ABCB5: variants seen among roughly 807,000 people sequenced by gnomAD.
The protein encoded by ABCB5 is ATP-binding cassette sub-family B member 5.
A neutral mutation model predicts 144.2 loss-of-function variants in ABCB5; 155 were observed. That is an observed-to-expected ratio of 1.08 (90% CI 0.94 to 1.23). The LOEUF is 1.23. ABCB5 is among the 50% of genes most tolerant of loss of function. The pLI is 0.00. For missense variants in ABCB5, 1,830 were observed against 1,520.8 expected (o/e 1.20, Z -3.38); for synonymous variants, 610 against 528.6 (o/e 1.15, Z -2.11).
chr7:20,749,773 G>A (rs909916570), intron 26 of ABCB5, among the ~76,000 whole-genome samples: 1 of 152,148 alleles, frequency 6.6e-6, no homozygotes, highest in African/African-American at 2.4e-5. Context: ...GGGGTTCAGA[G>A]GAGACCTTTG....
At chr7:20,736,549 C>T (rs1425533009) in intron 23 of ABCB5, among the ~76,000 whole-genome samples, 1 of 152,134 alleles carries the variant, frequency 6.6e-6, no homozygotes, top group Non-Finnish European at 1.5e-5. Flanking sequence ...TGTCATGATA[C>T]CAAATTACTC....
chr7:20,728,210 C>A, intron 22 of ABCB5, 105 bp from the exon 23 acceptor site: 6 of 1,332,734 alleles, frequency 4.5e-6, no homozygotes, highest in South Asian at 3.6e-5. Flanking sequence ...GCCTTTCCAC[C>A]AAATTATAAC....
At chr7:20,655,047 T>TA (rs71020653) in intron 13 of ABCB5, among the ~76,000 whole-genome samples, 25,361 of 129,160 alleles carry the variant, frequency 0.2, 2,251 homozygotes, top group South Asian at 0.24. Context: ...CTGAAAAGAT[T>TA]AAAAAAAAAA....
chr7:20,647,324 T>C, intron 9 of ABCB5: 1 of 1,310,418 alleles, frequency 7.6e-7, no homozygotes. Context: ...CAAGGATACT[T>C]GGATTAATCT....
chr7:20,663,960 C>T (rs916710364), intron 14 of ABCB5, among the ~76,000 whole-genome samples: 6 of 151,948 alleles, frequency 3.9e-5, no homozygotes, highest in South Asian at 2.1e-4. Context: ...AAATGATCCA[C>T]GCGCCTCGGC....
intron 5 of ABCB5, among the ~76,000 whole-genome samples, chr7:20,638,247 C>T (rs1374769891): frequency 6.6e-6 from 1 of 151,970 alleles, no homozygotes; most frequent in African/African-American, 2.4e-5. Flanking sequence ...TACATAATCC[C>T]AACACTAATA....
At position 20,723,176 on chromosome 7, in the gene ABCB5, G is replaced by C. The variant is rs775820951; in HGVS notation, c.2582G>C (p.Gly861Ala). ...TGMIETAAMT[G>A]FANKDKQELK... ...ATGATTGAAACCGCAGCAATGACTGGATTTGCCAACAAAGATAAGCAAGAA... is the reference window on the plus strand; with the variant it reads ...ATGATTGAAACCGCAGCAATGACTGCATTTGCCAACAAAGATAAGCAAGAA... The change falls in exon 21 of 28, where the codon GGA becomes GCA. Residue 861 changes from glycine to alanine, a missense_variant. Gly to Ala is a moderately conservative substitution (Grantham distance 60). Transcript: ENST00000404938. The C allele has an allele frequency of 1.3e-5, 21 of 1,614,038 alleles. No individual in the cohort carries two copies. Among genetic ancestry groups the C allele is most frequent in the Non-Finnish European group, 1.8e-5 (21 of 1,180,036 alleles).
chr7:20,755,399 G>T (rs778141460), intron 27 of ABCB5, 28 bp from the exon 28 acceptor site: 1 of 1,607,354 alleles, frequency 6.2e-7, no homozygotes, highest in South Asian at 1.1e-5. Context: ...AACTCAAACT[G>T]GTGATCACAG....
chr7:20,640,717 A>T (rs1032077046), intron 5 of ABCB5, among the ~76,000 whole-genome samples: 11 of 152,224 alleles, frequency 7.2e-5, no homozygotes, highest in African/African-American at 2.7e-4. Context: ...AATAACCATG[A>T]AAACACCACA....
At chr7:20,639,538 G>C (rs1021405980) in intron 5 of ABCB5, among the ~76,000 whole-genome samples, 13 of 152,124 alleles carry the variant, frequency 8.5e-5, no homozygotes, top group Non-Finnish European at 1.5e-4. Context: ...GTGAGGTAAT[G>C]GTTTAAATTT....
chr7:20,632,271 A>C (rs1784056036), intron 5 of ABCB5, among the ~76,000 whole-genome samples, 158 bp downstream of exon 5: 1 of 152,204 alleles, frequency 6.6e-6, no homozygotes, highest in African/African-American at 2.4e-5. Context: ...TATAAAATAC[A>C]ATTAGTACAT....
At chr7:20,627,158 C>T (rs1431720782) in intron 3 of ABCB5, among the ~76,000 whole-genome samples, 1 of 152,100 alleles carries the variant, frequency 6.6e-6, no homozygotes, top group Non-Finnish European at 1.5e-5. Flanking sequence ...ACATGGTCTT[C>T]ACCCACTCTA....
chr7:20,746,723 C>G (rs1014543251), intron 26 of ABCB5, among the ~76,000 whole-genome samples: 1 of 152,100 alleles, frequency 6.6e-6, no homozygotes, highest in Non-Finnish European at 1.5e-5. Flanking sequence ...AAACAGTGCA[C>G]AGAGAGGGAT....
intron 20 of ABCB5, among the ~76,000 whole-genome samples, chr7:20,714,500 T>TAA (rs1781607157): frequency 6.6e-6 from 1 of 152,180 alleles, no homozygotes; most frequent in Non-Finnish European, 1.5e-5. Flanking sequence ...ATTCTTGTAG[T>TAA]ACTCCTCGAG....
intron 5 of ABCB5, among the ~76,000 whole-genome samples, chr7:20,635,280 G>A (rs1784130890): frequency 6.6e-6 from 1 of 151,816 alleles, no homozygotes; most frequent in Non-Finnish European, 1.5e-5. Flanking sequence ...TATTATACCA[G>A]TACCATGATA....
At chr7:20,705,478 A>C (rs1460064198) in intron 20 of ABCB5, among the ~76,000 whole-genome samples, 6 of 152,176 alleles carry the variant, frequency 3.9e-5, no homozygotes, top group African/African-American at 1.4e-4. Context: ...AACAAATGGG[A>C]TCTTAACTGA....
chr7:20,691,457 A>C (rs1252884362), intron 16 of ABCB5, among the ~76,000 whole-genome samples: 1 of 151,900 alleles, frequency 6.6e-6, no homozygotes, highest in African/African-American at 2.4e-5. Flanking sequence ...GTATTTATTG[A>C]GGAAACTACC....
chr7:20,619,152 G>A (rs1562524217), intron 1 of ABCB5, among the ~76,000 whole-genome samples: 2 of 151,950 alleles, frequency 1.3e-5, no homozygotes, highest in Admixed American at 6.6e-5. Flanking sequence ...TGTGAATAGT[G>A]CTGTCATAAA....
chr7:20,638,792 G>GT lies in ABCB5; in HGVS notation c.315-4392_315-4391insT, dbSNP rs1784220062. The stretch of plus-strand genomic sequence containing the variant: ...GACAGTTGGATTGTTTCTACTTTTT[G>GT]GCTATTTACAAATAATGCTTCTGTG... On this transcript the variant is annotated intron_variant, in intron 5 of 27. Coordinates refer to ENST00000404938, the MANE Select transcript of ABCB5 (RefSeq NM_001163941.2). Among the ~76,000 whole-genome samples, 4 of 151,984 alleles carry GT rather than the reference G, an allele frequency of 2.6e-5. No individual in the cohort carries two copies. In the South Asian group the frequency reaches 8.3e-4, roughly 32 times the overall value.
Sources: gnomAD v4.1 joint callset for allele counts (sites outside exome capture counted in the v4.1 genomes callset) on GRCh38, gnomAD v4.1.1 for gene constraint, MANE v1.5 for transcripts, NCBI Gene and HGNC (gene_info 2026-07-23, HGNC 2026-07-21) for gene names.